The following LRP12 variants were observed in gnomAD, a reference collection of about 807,000 sequenced individuals.
LRP12 encodes the protein LDL receptor related protein 12, also known as low-density lipoprotein receptor-related protein 12.
In LRP12, 14 loss-of-function variants were observed where a neutral mutation model predicts 66.0. That is an observed-to-expected ratio of 0.21 (90% confidence interval 0.14 to 0.33). LRP12 has a LOEUF of 0.33. LRP12 is among the 10% of genes least tolerant of loss of function. The pLI is 1.00. For missense variants in LRP12, 889 were observed against 1,053.4 expected (o/e 0.84, Z 2.16); for synonymous variants, 357 against 359.1 (o/e 0.99, Z 0.07).
intron 2 of LRP12, among the ~76,000 whole-genome samples, chr8:104,522,691 G>A (rs1038642087): frequency 1.3e-5 from 2 of 152,092 alleles, no homozygotes; most frequent in African/African-American, 4.8e-5. Context: ...GCCTGAGAAA[G>A]CAGCAAGCCT....
intron 2 of LRP12, among the ~76,000 whole-genome samples, chr8:104,510,461 A>G (rs1810974687): frequency 6.6e-6 from 1 of 152,144 alleles, no homozygotes; most frequent in Non-Finnish European, 1.5e-5. Flanking sequence ...ACTAATACCA[A>G]CACTTTCCTG....
intron 1 of LRP12, among the ~76,000 whole-genome samples, chr8:104,547,811 T>C (rs1421682868): frequency 7.8e-6 from 1 of 128,056 alleles, no homozygotes; most frequent in Non-Finnish European, 1.6e-5. Context: ...TTATATATAA[T>C]TCTATATACT....
chr8:104,580,772 T>C (rs1385972306), intron 1 of LRP12, among the ~76,000 whole-genome samples: 1 of 151,748 alleles, frequency 6.6e-6, no homozygotes, highest in Non-Finnish European at 1.5e-5. Flanking sequence ...TATTAAAAGG[T>C]CAAAAAAATA....
chr8:104,527,234 G>A (rs1392962787), intron 2 of LRP12, among the ~76,000 whole-genome samples: 1 of 142,834 alleles, frequency 7.0e-6, no homozygotes, highest in Non-Finnish European at 1.5e-5. Flanking sequence ...ACTGTTGGTG[G>A]GACTGTAAAC....
At chr8:104,542,981 T>C (rs944821108) in intron 1 of LRP12, among the ~76,000 whole-genome samples, 3 of 145,366 alleles carry the variant, frequency 2.1e-5, no homozygotes, top group Admixed American at 6.8e-5. Flanking sequence ...CGTGTGTTTA[T>C]AGAACACACA....
intron 2 of LRP12, among the ~76,000 whole-genome samples, chr8:104,516,833 T>C (rs1386367153): frequency 6.6e-6 from 1 of 151,948 alleles, no homozygotes; most frequent in Non-Finnish European, 1.5e-5. Context: ...CCTAAAAAAT[T>C]ACAGAAAAAG....
chr8:104,509,187 A>G (rs183400742), intron 2 of LRP12, 113 bp from the exon 3 acceptor site: 235 of 827,610 alleles, frequency 2.8e-4, no homozygotes, highest in Non-Finnish European at 4.0e-4. Flanking sequence ...ATAATAACCA[A>G]TAAGATATGG....
rs200847463 is a variant in LRP12, at chr8:104,499,522, GA to G, written c.273-4del. 3.4e-5 allele frequency: 52 copies of G among 1,538,516 alleles called. No homozygotes were observed. Among genetic ancestry groups the G allele is most frequent in the Admixed American group, 4.3e-5 (2 of 46,658 alleles). On this transcript the variant is annotated splice_polypyrimidine_tract_variant and splice_region_variant and intron_variant, in intron 3 of 6. Transcript: ENST00000276654. ...CTTGAATATCAAAATCCTGAAAACTGAAAAAAAAATCAGAAATGTCTATTAA... is the reference window on the plus strand; with the variant it reads ...CTTGAATATCAAAATCCTGAAAACTGAAAAAAAATCAGAAATGTCTATTAA...
chr8:104,546,967 T>C (rs1318317697), intron 1 of LRP12, among the ~76,000 whole-genome samples: 1 of 136,886 alleles, frequency 7.3e-6, no homozygotes, highest in Non-Finnish European at 1.5e-5. Context: ...TTATATATCA[T>C]ATATAATTCT....
chr8:104,562,110 G>A (rs1350480591), intron 1 of LRP12, among the ~76,000 whole-genome samples: 2 of 152,104 alleles, frequency 1.3e-5, no homozygotes, highest in Admixed American at 6.6e-5. Flanking sequence ...CTAACTGTGT[G>A]ACTTTAAGAA....
chr8:104,515,078 G>T (rs912575532), intron 2 of LRP12, among the ~76,000 whole-genome samples: 4 of 152,154 alleles, frequency 2.6e-5, no homozygotes, highest in African/African-American at 9.7e-5. Context: ...GCCATGGGAA[G>T]GATAGGGTTG....
At chr8:104,565,978 C>T (rs1339519554) in intron 1 of LRP12, 154 of 68,222 alleles carry the variant, frequency 2.3e-3, no homozygotes, top group African/African-American at 9.5e-3. Flanking sequence ...GAGGGGGCGA[C>T]GGGGAGAGGG....
chr8:104,493,967 GTTTT>G (rs1564128152), intron 6 of LRP12, among the ~76,000 whole-genome samples: 1 of 152,142 alleles, frequency 6.6e-6, no homozygotes, highest in Non-Finnish European at 1.5e-5. Context: ...CTTTCAGTGA[GTTTT>G]TTGAGTGTTC....
chr8:104,507,384 T>C (rs1326378875), intron 3 of LRP12: 1 of 152,198 alleles, frequency 6.6e-6, no homozygotes, highest in Non-Finnish European at 1.5e-5. Flanking sequence ...TGGTTTTTAG[T>C]GTATCTTAAC....
At chr8:104,588,198 G>A (rs1812364883) in intron 1 of LRP12, among the ~76,000 whole-genome samples, 1 of 152,194 alleles carries the variant, frequency 6.6e-6, no homozygotes, top group Non-Finnish European at 1.5e-5. Flanking sequence ...ACTGAGGTGG[G>A]GCTGGAAACT....
chr8:104,588,756 C>T (rs1165063152), intron 1 of LRP12, 63 bp downstream of exon 1: 1 of 1,477,580 alleles, frequency 6.8e-7, no homozygotes. Flanking sequence ...GTCCTGGAGG[C>T]CTCGGGGCCC....
chr8:104,498,920 C>T (rs1040842411), intron 4 of LRP12, among the ~76,000 whole-genome samples: 1 of 152,080 alleles, frequency 6.6e-6, no homozygotes, highest in Non-Finnish European at 1.5e-5. Context: ...GTCGTTTTTT[C>T]TGAGACTATA....
chr8:104,514,661 G>A (rs549077676), intron 2 of LRP12, among the ~76,000 whole-genome samples: 2 of 151,802 alleles, frequency 1.3e-5, no homozygotes, highest in East Asian at 3.9e-4. Flanking sequence ...GGGCAACAGA[G>A]CAAGACTTTG....
At position 104,531,917 on chromosome 8, in the gene LRP12, T is replaced by A; in HGVS notation, c.126A>T (p.Gly42=). 6.3e-7 allele frequency: 1 copy of A among 1,591,896 alleles called. No homozygotes were observed. The highest frequency in any genetic ancestry group is 8.5e-7 in the Non-Finnish European group (1 of 1,169,662). Residue 42 remains glycine, a synonymous_variant, in exon 2 of 7, where the codon GGA becomes GGT. Coordinates refer to ENST00000276654, the MANE Select transcript of LRP12 (RefSeq NM_013437.5). ...AEHSENVHIS[G]VSTACGETPE... ...CAAAAAATGACTTACCAGTTGACAC[T>A]CCTGAAATATGCACATTTTCAGAAT...
Sources: gnomAD v4.1 joint callset for allele counts (sites outside exome capture counted in the v4.1 genomes callset) on GRCh38, gnomAD v4.1.1 for gene constraint, MANE v1.5 for transcripts, NCBI Gene and HGNC (gene_info 2026-07-23, HGNC 2026-07-21) for gene names.